The following PHLDB2 variants were observed in gnomAD, a reference collection of about 807,000 sequenced individuals.
The protein encoded by PHLDB2 is pleckstrin homology-like domain family B member 2.
A neutral mutation model predicts 123.6 loss-of-function variants in PHLDB2; 71 were observed. The ratio of observed to expected loss-of-function variants is 0.57; its 90% CI spans 0.47 to 0.70. PHLDB2 has a LOEUF of 0.70. Among genes scored for constraint, PHLDB2 ranks in the 30% least tolerant of loss-of-function variants. PHLDB2 has a pLI of 0.00. For missense variants in PHLDB2, 1,446 were observed against 1,519.5 expected (o/e 0.95, Z 0.80); for synonymous variants, 547 against 541.6 (o/e 1.01, Z -0.14).
chr3:111,916,516 G>C (rs1267594053), intron 3 of PHLDB2: 2 of 152,210 alleles, frequency 1.3e-5, no homozygotes, highest in Non-Finnish European at 2.9e-5. Context: ...ATGGAGAAGA[G>C]AGGAATGTGA....
intron 1 of PHLDB2, among the ~76,000 whole-genome samples, chr3:111,799,975 A>ACTC (rs2061319894): frequency 6.6e-6 from 1 of 152,140 alleles, no homozygotes; most frequent in African/African-American, 2.4e-5. Context: ...GTATAAATGT[A>ACTC]CTCCTCATAA....
At chr3:111,970,756 T>TACCAG (rs1373799014) in intron 16 of PHLDB2, among the ~76,000 whole-genome samples, 2 of 152,318 alleles carry the variant, frequency 1.3e-5, no homozygotes, top group East Asian at 3.9e-4. Flanking sequence ...AGTGGTGTCA[T>TACCAG]ACCAGATATT....
In PHLDB2 at chr3:111,948,933, G is replaced by A; in HGVS notation, c.2489G>A (p.Gly830Asp). 6.2e-7 allele frequency: 1 copy of A among 1,613,718 alleles called. No homozygotes were observed. Among genetic ancestry groups the A allele is most frequent in the Non-Finnish European group, 8.5e-7 (1 of 1,179,884 alleles). ...TAACTTCTGAATTCCTCCTTTTAGGGCTATATCAGTGTAAATGAGATTAAT... is the reference window on the plus strand; with the variant it reads ...TAACTTCTGAATTCCTCCTTTTAGGACTATATCAGTGTAAATGAGATTAAT... ...FPVNPNTLKE[G>D]YISVNEINEP... Residue 830 changes from glycine (G) to aspartate (D), a missense_variant and splice_region_variant, in exon 10 of 18, where the codon GGC becomes GAC. Physicochemically the swap from Gly to Asp is moderately conservative, Grantham distance 94. This residue lies in a region of PHLDB2 where 594 missense variants were observed against 646.0 expected (regional missense o/e 0.92). Coordinates refer to ENST00000431670, the MANE Select transcript of PHLDB2 (RefSeq NM_001134438.2).
At chr3:111,911,933 C>T (rs2067906302) in intron 2 of PHLDB2, among the ~76,000 whole-genome samples, 1 of 152,158 alleles carries the variant, frequency 6.6e-6, no homozygotes, top group South Asian at 2.1e-4. Context: ...ATAGCATCAA[C>T]TAATAAAGAG....
At chr3:111,926,684 G>A (rs561388262) in intron 5 of PHLDB2, among the ~76,000 whole-genome samples, 130 of 152,020 alleles carry the variant, frequency 8.6e-4, no homozygotes, top group African/African-American at 3.0e-3. Context: ...ATTATAGGAT[G>A]TTCCTCTTCA....
intron 2 of PHLDB2, among the ~76,000 whole-genome samples, chr3:111,852,089 T>C (rs770763180): frequency 6.6e-6 from 1 of 152,102 alleles, no homozygotes; most frequent in Non-Finnish European, 1.5e-5. Context: ...TACAGTTATA[T>C]GCTAGGCAGT....
At chr3:111,787,000 T>A (rs2060705249) in intron 1 of PHLDB2, among the ~76,000 whole-genome samples, 1 of 152,156 alleles carries the variant, frequency 6.6e-6, no homozygotes, top group Admixed American at 6.5e-5. Context: ...TTTAAGAACT[T>A]ATTTTGCATG....
intron 6 of PHLDB2, among the ~76,000 whole-genome samples, chr3:111,932,797 C>T (rs369865714): frequency 6.6e-6 from 1 of 152,152 alleles, no homozygotes; most frequent in East Asian, 1.9e-4. Context: ...GACTCTTGTC[C>T]CCAGATTATC....
intron 2 of PHLDB2, among the ~76,000 whole-genome samples, chr3:111,899,088 C>T (rs1462039348): frequency 6.6e-6 from 1 of 152,166 alleles, no homozygotes; most frequent in Non-Finnish European, 1.5e-5. Flanking sequence ...CCTATGGCAA[C>T]TATAGCCTTA....
chr3:111,955,080 T>C (rs989294809), intron 12 of PHLDB2, among the ~76,000 whole-genome samples: 2 of 151,232 alleles, frequency 1.3e-5, no homozygotes, highest in Non-Finnish European at 2.9e-5. Flanking sequence ...AATACATATA[T>C]GCTACATATA....
chr3:111,747,848 T>C (rs929197250), intron 1 of PHLDB2, among the ~76,000 whole-genome samples: 1 of 152,198 alleles, frequency 6.6e-6, no homozygotes, highest in Non-Finnish European at 1.5e-5. Flanking sequence ...TCAAATGTTA[T>C]TTGGAGTGAG....
intron 1 of PHLDB2, among the ~76,000 whole-genome samples, chr3:111,799,659 T>C (rs1199503951): frequency 6.6e-6 from 1 of 152,212 alleles, no homozygotes; most frequent in East Asian, 1.9e-4. Context: ...AATCAAATTA[T>C]AAAGACTTCC....
rs2068002560 is a variant in PHLDB2 at position 111,913,459 on chromosome 3, G to A, written c.1476G>A (p.Glu492=). Residue 492 remains glutamate, a synonymous_variant, in exon 3 of 18, where the codon GAG becomes GAA. Coordinates refer to ENST00000431670, the MANE Select transcript of PHLDB2 (RefSeq NM_001134438.2). ...AGAAGCTGCAGCTCTCTGATGAGGA[G>A]TCTGTGTTTGAGGAAGCCCTCATGA... ...ELEKLQLSDE[E]SVFEEALMSP... is the part of the protein sequence containing the mutation. 3 of 1,614,146 alleles carry A rather than the reference G, an allele frequency of 1.9e-6. No individual in the cohort carries two copies. Among genetic ancestry groups the A allele is most frequent in the South Asian group, 2.2e-5 (2 of 91,070 alleles).
rs574617413 is a variant in PHLDB2 at position 111,943,935 on chromosome 3, G to A, written c.2398-1333G>A. 7.9e-5 allele frequency among the ~76,000 whole-genome samples: 12 copies of A among 152,204 alleles called. 1 individual carries two copies. The South Asian group carries it at 2.5e-3, about 32-fold the overall frequency. On this transcript the variant is annotated intron_variant, in intron 8 of 17. Coordinates refer to ENST00000431670, the MANE Select transcript of PHLDB2 (RefSeq NM_001134438.2). ...AACTTCTTCAAGACTGTTTAAAGTA[G>A]TTTTTTCCATAATAGTAAACAAAAC...
intron 1 of PHLDB2, among the ~76,000 whole-genome samples, chr3:111,783,817 C>A (rs1355718108): frequency 6.6e-6 from 1 of 152,036 alleles, no homozygotes; most frequent in African/African-American, 2.4e-5. Context: ...CAAGTTATGC[C>A]AAACTTGAAA....
intron 5 of PHLDB2, among the ~76,000 whole-genome samples, chr3:111,924,461 C>A (rs1471940369): frequency 6.6e-6 from 1 of 152,170 alleles, no homozygotes; most frequent in African/African-American, 2.4e-5. Context: ...TGGGCCTTAG[C>A]AAAACACTGA....
At chr3:111,937,173 A>G (rs1402015875) in intron 6 of PHLDB2, among the ~76,000 whole-genome samples, 1 of 152,240 alleles carries the variant, frequency 6.6e-6, no homozygotes, top group Non-Finnish European at 1.5e-5. Flanking sequence ...TCTTGTTGCT[A>G]ATTACTCAGT....
intron 6 of PHLDB2, among the ~76,000 whole-genome samples, chr3:111,935,004 C>A (rs2069383370): frequency 6.6e-6 from 1 of 150,882 alleles, no homozygotes; most frequent in South Asian, 2.1e-4. Context: ...AGTAAATAAT[C>A]AAAAGCACAA....
intron 6 of PHLDB2, among the ~76,000 whole-genome samples, chr3:111,933,587 T>C (rs992109600): frequency 1.3e-5 from 2 of 152,244 alleles, no homozygotes; most frequent in African/African-American, 4.8e-5. Flanking sequence ...GTTTTAACCA[T>C]ATGTCTTCCC....
Sources: allele counts gnomAD v4.1 joint callset (sites outside exome capture counted in the v4.1 genomes callset), GRCh38; gene constraint gnomAD v4.1.1; regional missense constraint gnomAD v4.1.1; transcripts MANE v1.5; gene names NCBI Gene and HGNC (gene_info 2026-07-23, HGNC 2026-07-21).